Variants in NLRP7 observed in about 807,000 individuals in gnomAD.
NLRP7 encodes the protein NACHT, LRR and PYD domains-containing protein 7.
NLRP7 carries 72 observed loss-of-function variants against 85.5 expected under a neutral mutation model. That is an observed-to-expected ratio of 0.84 (90% confidence interval 0.70 to 1.02). NLRP7 has a LOEUF of 1.02. Among genes scored for constraint, NLRP7 ranks in the 50% least tolerant of loss-of-function variants. NLRP7 has a pLI of 0.00. For synonymous variants in NLRP7, 550 were observed against 505.2 expected, an observed-to-expected ratio of 1.09 and a Z score of -1.19; for missense variants, 1,243 against 1,219.5, an observed-to-expected ratio of 1.02 and a Z score of -0.29.
chr19:54,925,646 C>T (rs1409703483), intron 9 of NLRP7, among the ~76,000 whole-genome samples: 2 of 152,002 alleles, frequency 1.3e-5, no homozygotes, highest in African/African-American at 2.4e-5. Context: ...CAGAGCAAAA[C>T]GTTGTCTCAG....
At chr19:54,946,730 C>A (rs2069494503) in intron 1 of NLRP7, among the ~76,000 whole-genome samples, 1 of 152,068 alleles carries the variant, frequency 6.6e-6, no homozygotes, top group African/African-American at 2.4e-5. Flanking sequence ...ACCTCCCCCT[C>A]CTAGGTTTAA....
chr19:54,934,755 T>A lies in NLRP7; in HGVS notation c.2301-96A>T. 2.9e-6 allele frequency: 3 copies of A among 1,045,972 alleles called. No individual in the cohort carries two copies. Among genetic ancestry groups the A allele is most frequent in the Non-Finnish European group, 4.1e-6 (3 of 727,268 alleles). The allele number at this position is 1,045,972 out of a possible 1,614,324, so 64.8% of individuals were successfully genotyped here. A position where few individuals can be genotyped will look rare whatever the true frequency, so the allele number is the denominator to read the frequency against. On this transcript the variant is annotated intron_variant, in intron 6 of 9. Transcript: ENST00000340844. The surrounding 1 kb of genome is among the most constrained non-coding windows in gnomAD (Gnocchi z 6.7). ...GACAGAGTTTCACTCTGTTGCCCAG[T>A]CTGGAATGCAAAGGCGTGATCTCAC...
At chr19:54,941,713 G>C (rs756810437) in exon 2 of NLRP7, 2 of 1,611,962 alleles carry the variant, frequency 1.2e-6, no homozygotes, top group Non-Finnish European at 1.7e-6. Flanking sequence ...CGATGTCATA[G>C]TGCTCCGAGT....
intron 8 of NLRP7, 80 bp from the exon 9 acceptor site, chr19:54,930,746 A>G: frequency 8.7e-7 from 1 of 1,155,090 alleles, no homozygotes; most frequent in South Asian, 1.2e-5. Context: ...AACACTATAT[A>G]CCTTCCACTT....
chr19:54,932,743 C>T (rs937567123), intron 8 of NLRP7, among the ~76,000 whole-genome samples: 1 of 151,798 alleles, frequency 6.6e-6, no homozygotes, highest in Non-Finnish European at 1.5e-5. Flanking sequence ...GCAGCCTCTG[C>T]CTCCCAGATT....
intron 5 of NLRP7, among the ~76,000 whole-genome samples, 164 bp from the exon 6 acceptor site, chr19:54,936,595 G>A (rs1471314845): frequency 1.3e-5 from 2 of 150,682 alleles, no homozygotes; most frequent in East Asian, 2.0e-4. Flanking sequence ...GCTGAGGCAG[G>A]AGGATAACCT....
Position 54,934,071 on chromosome 19 carries a change from G to A in NLRP7, c.2472-332C>T, listed in dbSNP as rs1408896680. Among the ~76,000 whole-genome samples the A allele has an allele frequency of 6.6e-6, 1 of 152,202 alleles. No homozygotes were observed. The highest frequency in any genetic ancestry group is 1.5e-5 in the Non-Finnish European group (1 of 68,046). On this transcript the variant is annotated intron_variant, in intron 7 of 9. Coordinates refer to ENST00000340844, the Ensembl canonical transcript of NLRP7. The surrounding 1 kb of genome is among the most constrained non-coding windows in gnomAD (Gnocchi z 6.7). The stretch of plus-strand genomic sequence containing the variant: ...CCATTCTGCTGACTCAGCCTCCTGA[G>A]TAGCTGGGACTACAGGCGCCCACCA...
chr19:54,955,575 A>C (rs764133256), intron 1 of NLRP7, among the ~76,000 whole-genome samples: 2 of 152,042 alleles, frequency 1.3e-5, no homozygotes, highest in Non-Finnish European at 2.9e-5. Context: ...AGGTGGGTGA[A>C]TCATTTGAGG....
chr19:54,946,643 CCTT>C (rs1383744811), intron 1 of NLRP7, among the ~76,000 whole-genome samples: 3 of 150,764 alleles, frequency 2.0e-5, no homozygotes, highest in Non-Finnish European at 4.4e-5. Context: ...CAAGGTCTGG[CCTT>C]CTTTGTTTTT....
chr19:54,928,634 A>G (rs2068544830), intron 9 of NLRP7, among the ~76,000 whole-genome samples: 1 of 152,118 alleles, frequency 6.6e-6, no homozygotes. Flanking sequence ...TCTTTTGGAA[A>G]GTGATATGAG....
rs778901494 is a variant in NLRP7, at chr19:54,939,103, C to G, written c.1716G>C (p.Leu572Phe). The change falls in exon 4 of 10, where the codon TTG becomes TTC. Residue 572 changes from leucine to phenylalanine, a missense_variant. Leu to Phe is a conservative substitution (Grantham distance 22). Around this residue, in one of 3 missense-constraint regions of NLRP7, gnomAD observed 613 missense variants for 588.4 expected, o/e 1.04. Transcript: ENST00000340844. ...CCTCCTGAGACTCATACAGGCAGCC[C>G]AAGACCTCCTTCAGGTCGGTCACGG... 9 of 1,614,214 alleles carry G rather than the reference C, an allele frequency of 5.6e-6. No individual in the cohort carries two copies. In the African/African-American group the frequency reaches 6.7e-5, roughly 12 times the overall value.
At chr19:54,951,789 C>G (rs1473110493), upstream of NLRP7, among the ~76,000 whole-genome samples, 1 of 150,582 alleles carries the variant, frequency 6.6e-6, no homozygotes, top group Non-Finnish European at 1.5e-5. Context: ...CTCGCTCTGT[C>G]GCCCAGGCTG....
intron 1 of NLRP7, among the ~76,000 whole-genome samples, chr19:54,958,788 A>G (rs890806261): frequency 2.0e-5 from 3 of 152,174 alleles, no homozygotes; most frequent in Non-Finnish European, 2.9e-5. Flanking sequence ...AGCATCGGCA[A>G]GCTACTGTCT....
At chr19:54,930,762 C>T in intron 8 of NLRP7, 96 bp from the exon 9 acceptor site, 1 of 1,031,202 alleles carries the variant, frequency 9.7e-7, no homozygotes, top group Non-Finnish European at 1.5e-6. Context: ...CACTTATATA[C>T]TGGAATGCAG....
chr19:54,929,794 C>T (rs1031627106), intron 9 of NLRP7, among the ~76,000 whole-genome samples: 8 of 152,000 alleles, frequency 5.3e-5, no homozygotes, highest in Non-Finnish European at 1.0e-4. Context: ...AAACTGGATC[C>T]GAAGTGATAC....
At chr19:54,964,647 A>T (rs2070257904) in intron 1 of NLRP7, among the ~76,000 whole-genome samples, 1 of 150,366 alleles carries the variant, frequency 6.7e-6, no homozygotes, top group African/African-American at 2.4e-5. Context: ...GCATGGCAAA[A>T]CCCCGTCTCT....
At position 54,930,643 on chromosome 19, in the gene NLRP7, T is replaced by C. The variant is rs1354973056; in HGVS notation, c.2666A>G (p.Lys889Arg). 3 of 1,613,764 alleles carry C rather than the reference T, an allele frequency of 1.9e-6. No homozygotes were observed. The East Asian group carries it at 6.7e-5, about 36-fold the overall frequency. Residue 889 changes from lysine to arginine, a missense_variant, in exon 9 of 10, where the codon AAG becomes AGG. Transcript: ENST00000340844. ...CTCTGAGAGATATCTACAGCCAAGC[T>C]TGGTTATGCTGCATTGCTGTAACCT... is the stretch of plus-strand genomic sequence containing the variant.
At position 54,926,071 on chromosome 19, in the gene NLRP7, A is replaced by C. The variant is rs558486392; in HGVS notation, c.2811-2199T>G. 4.1e-4 allele frequency among the ~76,000 whole-genome samples: 63 copies of C among 152,030 alleles called. No homozygotes were observed. In the East Asian group the frequency reaches 9.5e-3, roughly 23 times the overall value. ...AAAAAAGACTCCGTCTCAAAAAAAAATAAAAAATACAAATAAGTCATTGAA... is the reference window on the plus strand; with the variant it reads ...AAAAAAGACTCCGTCTCAAAAAAAACTAAAAAATACAAATAAGTCATTGAA... On this transcript the variant is annotated intron_variant, in intron 9 of 9. Transcript: ENST00000340844.
At chr19:54,958,641 T>C (rs1164329578) in intron 1 of NLRP7, among the ~76,000 whole-genome samples, 1 of 146,798 alleles carries the variant, frequency 6.8e-6, no homozygotes, top group Non-Finnish European at 1.5e-5. Context: ...TGAGACTCTG[T>C]CTCAAATAAT....
Sources: gnomAD v4.1 joint callset for allele counts (sites outside exome capture counted in the v4.1 genomes callset) on GRCh38, gnomAD v4.1.1 for gene constraint, gnomAD v4.1.1 regional missense constraint, Gnocchi (gnomAD v3.1) non-coding constraint, MANE v1.5 for transcripts, NCBI Gene and HGNC (gene_info 2026-07-23, HGNC 2026-07-21) for gene names.